THADA: variants seen among roughly 807,000 people sequenced by gnomAD.
THADA encodes the protein tRNA (32-2'-O)-methyltransferase regulator THADA.
A neutral mutation model predicts 219.8 loss-of-function variants in THADA; 213 were observed. That is an observed-to-expected ratio of 0.97 (90% CI 0.87 to 1.09). The LOEUF (loss-of-function observed/expected upper bound fraction) is 1.09, where lower values mean the gene tolerates loss of function less well. Ranked by LOEUF, THADA falls within the 50% of genes least tolerant of loss-of-function variation. The pLI is 0.00. For synonymous variants in THADA, 1,018 were observed against 828.9 expected (o/e 1.23, Z -3.92); for missense variants, 2,956 against 2,311.3 (o/e 1.28, Z -5.72).
chr2:43,233,152 A>G (rs1667638941), intron 36 of THADA: 2 of 422,590 alleles, frequency 4.7e-6, no homozygotes, highest in East Asian at 3.8e-5. Context: ...GCAGGATTAG[A>G]GAGTTATCTC....
chr2:43,339,558 G>A (rs1362182383), intron 30 of THADA, among the ~76,000 whole-genome samples: 1 of 152,166 alleles, frequency 6.6e-6, no homozygotes, highest in African/African-American at 2.4e-5. Context: ...AGGGTTACAG[G>A]CATGAGCCAC....
At chr2:43,524,416 C>CT (rs1298776881) in intron 22 of THADA, among the ~76,000 whole-genome samples, 1 of 152,208 alleles carries the variant, frequency 6.6e-6, no homozygotes, top group Non-Finnish European at 1.5e-5. Flanking sequence ...CCATTAATCT[C>CT]TTTAAGTGCT....
chr2:43,240,464 G>C (rs991208395), intron 36 of THADA, among the ~76,000 whole-genome samples: 2 of 152,178 alleles, frequency 1.3e-5, no homozygotes, highest in African/African-American at 4.8e-5. Context: ...CGGTTCAGCT[G>C]ACTCTGCCAG....
chr2:43,364,744 A>G (rs918907671), intron 29 of THADA, among the ~76,000 whole-genome samples: 1 of 152,198 alleles, frequency 6.6e-6, no homozygotes, highest in African/African-American at 2.4e-5. Context: ...AGCACATATC[A>G]AGGCCCTAGG....
intron 22 of THADA, among the ~76,000 whole-genome samples, chr2:43,513,461 G>C (rs1574017603): frequency 6.6e-6 from 1 of 152,312 alleles, no homozygotes; most frequent in African/African-American, 2.4e-5. Context: ...GGCAGCCAAA[G>C]AATTTCAGCA....
intron 15 of THADA, among the ~76,000 whole-genome samples, chr2:43,560,745 A>G (rs192637249): frequency 1.3e-5 from 2 of 152,238 alleles, no homozygotes; most frequent in East Asian, 3.9e-4. Flanking sequence ...GGCCAGGCTC[A>G]GCGGCTCACA....
At chr2:43,508,950 T>C (rs926187711) in intron 22 of THADA, among the ~76,000 whole-genome samples, 170 bp from the exon 23 acceptor site, 19 of 152,166 alleles carry the variant, frequency 1.2e-4, no homozygotes, top group Admixed American at 1.2e-3. Flanking sequence ...ATTATGGGTC[T>C]TAAGATCTAA....
chr2:43,237,311 C>T (rs144381042), intron 36 of THADA, among the ~76,000 whole-genome samples: 2,645 of 152,026 alleles, frequency 0.017, 25 homozygotes, highest in Non-Finnish European at 0.025. Flanking sequence ...GAAAGAATGA[C>T]GTTGGACCCC....
In THADA at chr2:43,278,981, A is replaced by T. The variant is rs186830840; in HGVS notation, c.5296+784T>A. On this transcript the variant is annotated intron_variant, in intron 36 of 37. Coordinates refer to ENST00000405975, the MANE Select transcript of THADA (RefSeq NM_022065.5). The stretch of plus-strand genomic sequence containing the variant: ...GATCCAGAGACCTTTCCTGGCACCC[A>T]GCCCCAAGCACAGAGAATCCGAGTC... Among the ~76,000 whole-genome samples, 86 of 152,284 alleles carry T rather than the reference A, an allele frequency of 5.6e-4. 1 individual carries two copies. In the South Asian group the frequency reaches 0.017, roughly 30 times the overall value.
rs754071648 is a variant in THADA, at chr2:43,286,922, G to C, written c.5150C>G (p.Pro1717Arg). 1 of 1,612,840 alleles carries C rather than the reference G, an allele frequency of 6.2e-7. No individual in the cohort carries two copies. The highest frequency in any genetic ancestry group is 8.5e-7 in the Non-Finnish European group (1 of 1,178,922). Residue 1717 changes from proline (P) to arginine (R), a missense_variant, in exon 35 of 38, where the codon CCC becomes CGC. Coordinates refer to ENST00000405975, the MANE Select transcript of THADA (RefSeq NM_022065.5). ...TSTTPLFLTN[P>R]HPILELQDTL... The stretch of plus-strand genomic sequence containing the variant: ...GGCGCACTTACCAAGAATAGGATGG[G>C]GGTTGGTGAGGAAAAGTGGTGTAGT...
intron 20 of THADA, among the ~76,000 whole-genome samples, chr2:43,545,540 A>T (rs1695909464): frequency 6.6e-6 from 1 of 152,186 alleles, no homozygotes; most frequent in African/African-American, 2.4e-5. Context: ...GATTATTGCC[A>T]CAATTTCAGA....
At chr2:43,313,959 T>A (rs886450425) in intron 31 of THADA, among the ~76,000 whole-genome samples, 1 of 152,250 alleles carries the variant, frequency 6.6e-6, no homozygotes, top group Non-Finnish European at 1.5e-5. Context: ...TGTGGTCTCA[T>A]GAAGGAACAT....
chr2:43,345,035 C>T (rs1255963179), intron 29 of THADA, among the ~76,000 whole-genome samples: 3 of 152,230 alleles, frequency 2.0e-5, no homozygotes, highest in Non-Finnish European at 4.4e-5. Context: ...AGTCTCCAGC[C>T]TCCTTATCTA....
intron 34 of THADA, among the ~76,000 whole-genome samples, chr2:43,289,491 T>C (rs1458866484): frequency 6.6e-6 from 1 of 152,218 alleles, no homozygotes; most frequent in Non-Finnish European, 1.5e-5. Context: ...GTTCTGTTAA[T>C]TTTTTTCTCC....
chr2:43,593,277 G>A (rs1388012524), intron 1 of THADA, among the ~76,000 whole-genome samples: 1 of 152,076 alleles, frequency 6.6e-6, no homozygotes, highest in African/African-American at 2.4e-5. Context: ...TTAGTTTAGG[G>A]GAAAAAAACA....
chr2:43,267,836 A>G (rs78689363), intron 36 of THADA, among the ~76,000 whole-genome samples: 149 of 152,338 alleles, frequency 9.8e-4, no homozygotes, highest in African/African-American at 3.4e-3. Context: ...TTAAGCCACT[A>G]TTAACTTCTC....
At chr2:43,287,787 T>G (rs1031678752) in intron 34 of THADA, among the ~76,000 whole-genome samples, 1 of 152,192 alleles carries the variant, frequency 6.6e-6, no homozygotes, top group Non-Finnish European at 1.5e-5. Context: ...AGCTAGAGAC[T>G]ACATGTCCCA....
intron 26 of THADA, among the ~76,000 whole-genome samples, chr2:43,467,515 C>G (rs1031734203): frequency 6.6e-6 from 1 of 152,116 alleles, no homozygotes; most frequent in Admixed American, 6.5e-5. Flanking sequence ...TGTTTACCTA[C>G]CCACACAGCA....
chr2:43,475,443 A>C (rs921496150), intron 26 of THADA, among the ~76,000 whole-genome samples: 4 of 151,792 alleles, frequency 2.6e-5, no homozygotes, highest in East Asian at 1.9e-4. Flanking sequence ...AAAAAAAAAA[A>C]AAACCTAGAA....
Sources: allele counts gnomAD v4.1 joint callset (sites outside exome capture counted in the v4.1 genomes callset), GRCh38; gene constraint gnomAD v4.1.1; transcripts MANE v1.5; gene names NCBI Gene and HGNC (gene_info 2026-07-23, HGNC 2026-07-21).